LRRC74A: variants seen among roughly 807,000 people sequenced by gnomAD.
LRRC74A encodes the protein leucine-rich repeat-containing protein 74A.
LRRC74A carries 44 observed loss-of-function variants against 57.9 expected under a neutral mutation model. That is an observed-to-expected ratio of 0.76 (90% CI 0.60 to 0.98). The LOEUF is 0.98. Ranked by LOEUF, LRRC74A falls within the 50% of genes least tolerant of loss-of-function variation. LRRC74A has a pLI of 0.00. For missense variants in LRRC74A, 572 were observed against 574.0 expected (o/e 1.00, Z 0.04); for synonymous variants, 211 against 219.4 (o/e 0.96, Z 0.34).
intron 7 of LRRC74A, among the ~76,000 whole-genome samples, chr14:76,847,902 A>G (rs185536895): frequency 1.3e-5 from 2 of 152,202 alleles, no homozygotes; most frequent in African/African-American, 4.8e-5. Context: ...GGCTGGGTAC[A>G]GTGTCTCACA....
At chr14:76,867,221 TGTGG>T in intron 12 of LRRC74A, 131 bp from the exon 13 acceptor site, 1 of 319,222 alleles carries the variant, frequency 3.1e-6, no homozygotes, top group Non-Finnish European at 5.7e-6. Flanking sequence ...TGTGTGTGTG[TGTGG>T]TAGTGTGTGT....
chr14:76,868,439 A>C (rs1044996335), intron 13 of LRRC74A, among the ~76,000 whole-genome samples: 1 of 152,246 alleles, frequency 6.6e-6, no homozygotes, highest in Non-Finnish European at 1.5e-5. Flanking sequence ...ACTGCACTTC[A>C]GCCTGGACGA....
chr14:76,836,206 G>A lies in LRRC74A; in HGVS notation c.340-1G>A. 6.2e-7 allele frequency: 1 copy of A among 1,612,156 alleles called. No homozygotes were observed. Reference sequence around the variant, plus strand: ...TCTCCCTCCCCTTGTGCTGGCTGAAGTCCAACATGGCTGTTACCAAACTGG... The same window carrying A: ...TCTCCCTCCCCTTGTGCTGGCTGAAATCCAACATGGCTGTTACCAAACTGG... On this transcript the variant is annotated splice_acceptor_variant, in intron 3 of 13. Coordinates refer to ENST00000689127, the MANE Select transcript of LRRC74A (RefSeq NM_001385106.1). LOFTEE classifies it high-confidence loss of function.
intron 9 of LRRC74A, among the ~76,000 whole-genome samples, chr14:76,854,299 G>A (rs1293162057): frequency 1.3e-5 from 2 of 152,168 alleles, no homozygotes; most frequent in African/African-American, 4.8e-5. Context: ...AAATGTGAAA[G>A]CTTCATCAGA....
rs202183792 is a variant in LRRC74A at position 76,826,530 on chromosome 14, C to G, written c.-168C>G. 32 of 1,609,452 alleles carry G rather than the reference C, an allele frequency of 2.0e-5. No homozygotes were observed. In the East Asian group the frequency reaches 6.5e-4, roughly 33 times the overall value. ...CAATTCCCATCAAAGCCTACTCTTC[C>G]CAGGGCTTGCTGGGAGGGAAGGATA... is the stretch of plus-strand genomic sequence containing the variant. On this transcript the variant is annotated 5_prime_UTR_variant, in exon 1 of 14. Transcript: ENST00000689127.
chr14:76,855,023 C>T (rs956263427), intron 9 of LRRC74A, among the ~76,000 whole-genome samples: 1 of 152,292 alleles, frequency 6.6e-6, no homozygotes, highest in Non-Finnish European at 1.5e-5. Flanking sequence ...ACTCCAACTC[C>T]CTCAAGATGT....
intron 7 of LRRC74A, among the ~76,000 whole-genome samples, chr14:76,849,421 A>T (rs1897295661): frequency 6.6e-6 from 1 of 151,832 alleles, no homozygotes; most frequent in Non-Finnish European, 1.5e-5. Context: ...CCTCCCAAAG[A>T]GCTGGGATTA....
intron 5 of LRRC74A, among the ~76,000 whole-genome samples, chr14:76,841,990 G>A (rs967542429): frequency 6.6e-6 from 1 of 152,154 alleles, no homozygotes; most frequent in Non-Finnish European, 1.5e-5. Flanking sequence ...GGGATTACAG[G>A]TGTGAGCTAC....
chr14:76,842,095 T>A (rs1220733066), intron 5 of LRRC74A, among the ~76,000 whole-genome samples: 1 of 152,182 alleles, frequency 6.6e-6, no homozygotes, highest in Non-Finnish European at 1.5e-5. Flanking sequence ...TATTTCTAGG[T>A]CTTCTATTAT....
chr14:76,862,741 C>T (rs1306958268), intron 11 of LRRC74A, among the ~76,000 whole-genome samples: 1 of 152,076 alleles, frequency 6.6e-6, no homozygotes, highest in Non-Finnish European at 1.5e-5. Context: ...CGGCGAGAGG[C>T]TCCTGCCAGC....
At chr14:76,832,325 T>C (rs763258582) in intron 3 of LRRC74A, among the ~76,000 whole-genome samples, 4 of 152,206 alleles carry the variant, frequency 2.6e-5, no homozygotes, top group Non-Finnish European at 5.9e-5. Context: ...GAGTTGTTTG[T>C]TTGAGACAGG....
At chr14:76,861,663 A>T (rs1396137222) in intron 11 of LRRC74A, among the ~76,000 whole-genome samples, 1 of 152,240 alleles carries the variant, frequency 6.6e-6, no homozygotes, top group Non-Finnish European at 1.5e-5. Flanking sequence ...AAATCAGAGA[A>T]TAGTAGCGCC....
chr14:76,845,242 T>A (rs998594756), intron 7 of LRRC74A, among the ~76,000 whole-genome samples: 1 of 152,046 alleles, frequency 6.6e-6, no homozygotes, highest in African/African-American at 2.4e-5. Flanking sequence ...GAGGATTCCT[T>A]GATCCCAGGA....
intron 10 of LRRC74A, among the ~76,000 whole-genome samples, chr14:76,858,752 T>C (rs1421408585): frequency 6.6e-6 from 1 of 152,108 alleles, no homozygotes; most frequent in Non-Finnish European, 1.5e-5. Context: ...CATGCCAGGC[T>C]AATTTTTTGT....
chr14:76,851,358 TTTTA>T (rs1234523315), intron 7 of LRRC74A, among the ~76,000 whole-genome samples: 10 of 152,350 alleles, frequency 6.6e-5, no homozygotes, highest in East Asian at 5.8e-4. Context: ...TAATTCTTGC[TTTTA>T]TTTATTTATT....
chr14:76,833,918 C>A (rs566369368), intron 3 of LRRC74A, among the ~76,000 whole-genome samples: 2 of 152,092 alleles, frequency 1.3e-5, no homozygotes, highest in South Asian at 4.1e-4. Flanking sequence ...CATTTACCAG[C>A]GGTCTTGATG....
intron 10 of LRRC74A, among the ~76,000 whole-genome samples, chr14:76,858,083 C>T (rs1898034664): frequency 6.6e-6 from 1 of 152,158 alleles, no homozygotes; most frequent in East Asian, 1.9e-4. Context: ...TTTATATATT[C>T]CAGCTCATTT....
Position 76,826,750 on chromosome 14 carries a change from A to G in LRRC74A, c.37+16A>G, listed in dbSNP as rs1485906991. ...GAGACAGAAGGTGAAAGGGCATCCC[A>G]TCTCTCACCACTCAGGCCCGTCCCT... On this transcript the variant is annotated intron_variant, in intron 1 of 13. Coordinates refer to ENST00000689127, the MANE Select transcript of LRRC74A (RefSeq NM_001385106.1). The G allele has an allele frequency of 6.8e-7, 1 of 1,477,122 alleles. No individual in the cohort carries two copies. Among genetic ancestry groups the G allele is most frequent in the Non-Finnish European group, 9.1e-7 (1 of 1,104,636 alleles). The allele number at this position is 1,477,122 out of a possible 1,614,324, so 91.5% of individuals were successfully genotyped here.
intron 13 of LRRC74A, among the ~76,000 whole-genome samples, chr14:76,867,774 G>T (rs1210701924): frequency 6.6e-6 from 1 of 152,160 alleles, no homozygotes; most frequent in Admixed American, 6.5e-5. Context: ...AGCCGTAGGG[G>T]TGTGTACCAG....
Sources: allele counts gnomAD v4.1 joint callset (sites outside exome capture counted in the v4.1 genomes callset), GRCh38; gene constraint gnomAD v4.1.1; transcripts MANE v1.5; gene names NCBI Gene and HGNC (gene_info 2026-07-23, HGNC 2026-07-21).